Variants in TMEM132D observed in about 807,000 individuals in gnomAD.
TMEM132D encodes the protein mature OL transmembrane protein.
In TMEM132D, 21 loss-of-function variants were observed where a neutral mutation model predicts 62.3. The ratio of observed to expected loss-of-function variants is 0.34; its 90% CI spans 0.24 to 0.49. The LOEUF (loss-of-function observed/expected upper bound fraction) is 0.49, where lower values mean the gene tolerates loss of function less well. Ranked by LOEUF, TMEM132D falls within the 20% of genes least tolerant of loss-of-function variation. The pLI is 0.99. For missense variants in TMEM132D, 1,346 were observed against 1,402.8 expected (o/e 0.96, Z 0.65); for synonymous variants, 621 against 575.6 (o/e 1.08, Z -1.13).
At chr12:129,497,575 G>C (rs977369040) in intron 3 of TMEM132D, among the ~76,000 whole-genome samples, 3 of 152,026 alleles carry the variant, frequency 2.0e-5, no homozygotes, top group African/African-American at 7.2e-5. Context: ...TGTCTGATCT[G>C]GAAATGGCAA....
chr12:129,538,195 C>CAAACAA (rs1265261647), intron 2 of TMEM132D, among the ~76,000 whole-genome samples: 1 of 152,126 alleles, frequency 6.6e-6, no homozygotes, highest in Non-Finnish European at 1.5e-5. Flanking sequence ...AGGAAGAAAG[C>CAAACAA]AAACAAAAAC....
At chr12:129,691,818 A>C (rs1881068782) in intron 2 of TMEM132D, among the ~76,000 whole-genome samples, 1 of 152,148 alleles carries the variant, frequency 6.6e-6, no homozygotes, top group South Asian at 2.1e-4. Flanking sequence ...TACTAAATAC[A>C]GCAGCTAACT....
chr12:129,676,879 A>G (rs1275805571), intron 2 of TMEM132D, among the ~76,000 whole-genome samples: 2 of 151,706 alleles, frequency 1.3e-5, no homozygotes, highest in African/African-American at 4.9e-5. Context: ...CCATCTACTC[A>G]CTCACCCACA....
chr12:129,823,709 G>A (rs1872592227), intron 1 of TMEM132D, among the ~76,000 whole-genome samples: 1 of 152,198 alleles, frequency 6.6e-6, no homozygotes. Flanking sequence ...GGTAGAGGTG[G>A]AAGTGAGAAC....
intron 4 of TMEM132D, among the ~76,000 whole-genome samples, chr12:129,241,909 A>C (rs1301535306): frequency 2.0e-5 from 3 of 152,234 alleles, no homozygotes; most frequent in Admixed American, 1.3e-4. Context: ...AGATGTGTGC[A>C]TGAAAGGGAG....
chr12:129,644,617 T>G (rs186917432), intron 2 of TMEM132D, among the ~76,000 whole-genome samples: 1 of 152,162 alleles, frequency 6.6e-6, no homozygotes, highest in Admixed American at 6.5e-5. Context: ...GAGTACTATA[T>G]GTAACCATCA....
At chr12:129,230,569 G>A (rs1240891579) in intron 4 of TMEM132D, among the ~76,000 whole-genome samples, 2 of 152,244 alleles carry the variant, frequency 1.3e-5, no homozygotes, top group African/African-American at 2.4e-5. Context: ...TGTTTTCGGG[G>A]TGTCTACAGG....
chr12:129,602,451 G>A (rs1165028463), intron 2 of TMEM132D, among the ~76,000 whole-genome samples: 1 of 151,614 alleles, frequency 6.6e-6, no homozygotes, highest in African/African-American at 2.4e-5. Flanking sequence ...AATATGCAAA[G>A]TAAGAGAAAA....
At chr12:129,703,015 G>A (rs1476219403) in intron 1 of TMEM132D, among the ~76,000 whole-genome samples, 2 of 152,268 alleles carry the variant, frequency 1.3e-5, no homozygotes, top group Admixed American at 6.5e-5. Context: ...ACTCCTATAA[G>A]ACCTACATCA....
intron 4 of TMEM132D, among the ~76,000 whole-genome samples, chr12:129,326,341 G>A (rs1429862951): frequency 6.6e-6 from 1 of 152,184 alleles, no homozygotes; most frequent in Non-Finnish European, 1.5e-5. Flanking sequence ...GCCTGGATAA[G>A]CAAAGGCTAC....
At chr12:129,842,748 C>T (rs74721170) in intron 1 of TMEM132D, among the ~76,000 whole-genome samples, 58 of 152,264 alleles carry the variant, frequency 3.8e-4, no homozygotes, top group Middle Eastern at 3.4e-3. Flanking sequence ...AGATTTCAGG[C>T]GAGGGAGAGA....
chr12:129,850,715 C>G (rs1055904539), intron 1 of TMEM132D, among the ~76,000 whole-genome samples: 1 of 152,210 alleles, frequency 6.6e-6, no homozygotes, highest in Non-Finnish European at 1.5e-5. Flanking sequence ...AGGAAACTTT[C>G]TGCAAATCCA....
intron 2 of TMEM132D, among the ~76,000 whole-genome samples, chr12:129,626,648 G>A (rs1879225120): frequency 6.6e-6 from 1 of 151,956 alleles, no homozygotes; most frequent in Admixed American, 6.6e-5. Context: ...GTAGAGACGG[G>A]GTTTCACCAT....
chr12:129,518,846 G>A (rs1297499395), intron 3 of TMEM132D, among the ~76,000 whole-genome samples: 1 of 151,916 alleles, frequency 6.6e-6, no homozygotes, highest in Admixed American at 6.6e-5. Context: ...ACCGTGCTTA[G>A]GTATAATACT....
intron 2 of TMEM132D, among the ~76,000 whole-genome samples, chr12:129,661,609 C>A (rs12310680): frequency 6.6e-6 from 1 of 152,300 alleles, no homozygotes; most frequent in East Asian, 1.9e-4. Flanking sequence ...ATCTCAGATA[C>A]TAGGTTACAG....
intron 1 of TMEM132D, among the ~76,000 whole-genome samples, chr12:129,818,319 C>G (rs59866998): frequency 6.7e-6 from 1 of 148,848 alleles, no homozygotes; most frequent in Non-Finnish European, 1.5e-5. Flanking sequence ...GTGTCTATGT[C>G]TGTGTATCTA....
At chr12:129,878,413 T>A (rs1874496865) in intron 1 of TMEM132D, among the ~76,000 whole-genome samples, 1 of 152,086 alleles carries the variant, frequency 6.6e-6, no homozygotes, top group South Asian at 2.1e-4. Flanking sequence ...GTGCTGTGGG[T>A]TCACTGACTC....
At chr12:129,555,257 G>A (rs1428580431) in intron 2 of TMEM132D, among the ~76,000 whole-genome samples, 1 of 152,176 alleles carries the variant, frequency 6.6e-6, no homozygotes, top group Admixed American at 6.5e-5. Context: ...TGAATGCATG[G>A]AAATGTACTT....
At chr12:129,144,511 C>T (rs1295104099) in intron 5 of TMEM132D, among the ~76,000 whole-genome samples, 1 of 152,120 alleles carries the variant, frequency 6.6e-6, no homozygotes, top group Admixed American at 6.5e-5. Flanking sequence ...ACCCACCCGA[C>T]AGCCCTAGCT....
Sources: gnomAD v4.1 joint callset for allele counts (sites outside exome capture counted in the v4.1 genomes callset) on GRCh38, gnomAD v4.1.1 for gene constraint, MANE v1.5 for transcripts, NCBI Gene and HGNC (gene_info 2026-07-23, HGNC 2026-07-21) for gene names.